LAMA2: variants seen among roughly 807,000 people sequenced by gnomAD.
LAMA2 encodes the protein laminin subunit alpha 2, also known as laminin subunit alpha-2.
A neutral mutation model predicts 364.8 loss-of-function variants in LAMA2; 269 were observed. That is an observed-to-expected ratio of 0.74 (90% CI 0.67 to 0.82). The LOEUF is 0.82. Ranked by LOEUF, LAMA2 falls within the 40% of genes least tolerant of loss-of-function variation. The probability of loss-of-function intolerance (pLI) is 0.00; values close to 1 mark genes in which losing one functional copy is unlikely to be tolerated. For missense variants in LAMA2, 3,807 were observed against 3,873.2 expected, an observed-to-expected ratio of 0.98 and a Z score of 0.45; for synonymous variants, 1,379 against 1,370.6, an observed-to-expected ratio of 1.01 and a Z score of -0.14.
At chr6:128,958,203 G>A (rs2114585810) in intron 1 of LAMA2, among the ~76,000 whole-genome samples, 1 of 151,954 alleles carries the variant, frequency 6.6e-6, no homozygotes, top group African/African-American at 2.4e-5. Context: ...TATGAATTTT[G>A]GTTTTAATTT....
rs569692117 is a variant in LAMA2 at position 129,468,956 on chromosome 6, G to C, written c.7300+3667G>C. The stretch of plus-strand genomic sequence containing the variant: ...GCCCTAAGTCCTTTTTTAGTTGAGG[G>C]GGTAGGAGGGGTGGAAGCAGTTGCA... On this transcript the variant is annotated intron_variant, in intron 51 of 64. Coordinates refer to ENST00000421865, the MANE Select transcript of LAMA2 (RefSeq NM_000426.4). Among the ~76,000 whole-genome samples, 20 of 151,968 alleles carry C rather than the reference G, an allele frequency of 1.3e-4. No individual in the cohort carries two copies. The South Asian group carries it at 3.5e-3, about 27-fold the overall frequency.
At chr6:129,429,428 ACTTAT>A (rs1475588842) in intron 41 of LAMA2, among the ~76,000 whole-genome samples, 7 of 152,188 alleles carry the variant, frequency 4.6e-5, no homozygotes, top group African/African-American at 9.6e-5. Context: ...GGCTTATCTT[ACTTAT>A]CTTAGAAAGA....
At position 129,149,117 on chromosome 6, in the gene LAMA2, C is replaced by A. The variant is rs200995222; in HGVS notation, c.1027+21C>A. ...TGAAGGTATGTTCTTTAGAAGCCAA[C>A]AAAATATGTCATTCTTCCTTTCCAA... On this transcript the variant is annotated intron_variant, in intron 7 of 64. Coordinates refer to ENST00000421865, the MANE Select transcript of LAMA2 (RefSeq NM_000426.4). 5 of 1,346,738 alleles carry A rather than the reference C, an allele frequency of 3.7e-6. No individual in the cohort carries two copies. In the African/African-American group the frequency reaches 4.3e-5, roughly 12 times the overall value. The allele number at this position is 1,346,738 out of a possible 1,614,324, so 83.4% of individuals were successfully genotyped here. A position where few individuals can be genotyped will look rare whatever the true frequency, so the allele number is the denominator to read the frequency against.
chr6:129,266,957 C>A, intron 15 of LAMA2, 149 bp from the exon 16 acceptor site: 1 of 723,054 alleles, frequency 1.4e-6, no homozygotes, highest in South Asian at 1.5e-5. Context: ...AGCTCTGTTG[C>A]AATGTTTCAA....
Position 129,349,346 on chromosome 6 carries a change from G to A in LAMA2, c.4485G>A (p.Thr1495=), listed in dbSNP as rs779211391. The A allele has an allele frequency of 3.7e-5, 60 of 1,613,452 alleles. No individual in the cohort carries two copies. Among genetic ancestry groups the A allele is most frequent in the Non-Finnish European group, 4.5e-5 (53 of 1,179,660 alleles). The change falls in exon 31 of 65, where the codon ACG becomes ACA. Residue 1495 remains threonine (T), a synonymous_variant. Transcript: ENST00000421865. ...VAEGLDDYRC[T]ACPRGYEGQY... Reference sequence around the variant, plus strand: ...AAGGACTTGACGACTACCGCTGCACGGCTTGTCCACGGGGATATGAAGGCC... The same window carrying A: ...AAGGACTTGACGACTACCGCTGCACAGCTTGTCCACGGGGATATGAAGGCC...
At chr6:129,471,638 C>T (rs1276025228) in intron 51 of LAMA2, among the ~76,000 whole-genome samples, 1 of 151,864 alleles carries the variant, frequency 6.6e-6, no homozygotes, top group Non-Finnish European at 1.5e-5. Context: ...GTCTTGAAAA[C>T]AGTTTTATAA....
intron 14 of LAMA2, among the ~76,000 whole-genome samples, chr6:129,257,911 G>T (rs1303429253): frequency 2.6e-5 from 4 of 151,986 alleles, no homozygotes; most frequent in Non-Finnish European, 5.9e-5. Context: ...CTTTGCCATG[G>T]AGTTTGTTAG....
At chr6:129,401,715 G>C (rs1779984069) in intron 38 of LAMA2, among the ~76,000 whole-genome samples, 1 of 152,170 alleles carries the variant, frequency 6.6e-6, no homozygotes, top group Non-Finnish European at 1.5e-5. Flanking sequence ...GCATTACATA[G>C]AGTGATATGT....
chr6:129,324,912 G>A (rs1775182359), intron 28 of LAMA2, among the ~76,000 whole-genome samples: 1 of 152,194 alleles, frequency 6.6e-6, no homozygotes, highest in Non-Finnish European at 1.5e-5. Flanking sequence ...AAGGCACACA[G>A]TATTCAGAAC....
intron 34 of LAMA2, among the ~76,000 whole-genome samples, chr6:129,382,920 G>A (rs1385529725): frequency 1.3e-5 from 2 of 152,200 alleles, no homozygotes; most frequent in African/African-American, 2.4e-5. Flanking sequence ...ACAGCTCTCT[G>A]ATTTCCATTT....
chr6:129,452,158 G>C (rs1782706752), intron 45 of LAMA2, among the ~76,000 whole-genome samples: 4 of 152,126 alleles, frequency 2.6e-5, no homozygotes, highest in Admixed American at 1.3e-4. Flanking sequence ...GTAACCCTTT[G>C]ATGGTGATTT....
chr6:129,299,095 A>G (rs542025045), intron 21 of LAMA2, among the ~76,000 whole-genome samples: 1 of 152,196 alleles, frequency 6.6e-6, no homozygotes, highest in South Asian at 2.1e-4. Context: ...AGATGACAGC[A>G]TTTAATAAAT....
At chr6:129,458,195 A>C (rs189978909) in intron 48 of LAMA2, among the ~76,000 whole-genome samples, 149 of 152,206 alleles carry the variant, frequency 9.8e-4, no homozygotes, top group African/African-American at 3.4e-3. Flanking sequence ...CACTCTCAAC[A>C]TCTTGCTTCA....
intron 12 of LAMA2, among the ~76,000 whole-genome samples, chr6:129,219,732 AAAAC>A (rs1783681281): frequency 7.2e-6 from 1 of 139,476 alleles, no homozygotes; most frequent in African/African-American, 2.6e-5. Context: ...CAAGGACAAA[AAAAC>A]AAACACCACA....
chr6:129,158,798 A>C (rs564429800), intron 8 of LAMA2: 1 of 1,614,174 alleles, frequency 6.2e-7, no homozygotes, highest in East Asian at 2.2e-5. Context: ...TTTGCACTGA[A>C]AATCAGATCC....
At chr6:129,205,125 C>T (rs1179968820) in intron 12 of LAMA2, among the ~76,000 whole-genome samples, 4 of 151,992 alleles carry the variant, frequency 2.6e-5, no homozygotes, top group African/African-American at 4.8e-5. Flanking sequence ...CAGGGTGGCT[C>T]ATGCCTGTAA....
chr6:129,251,629 C>T (rs970121744), intron 13 of LAMA2, among the ~76,000 whole-genome samples: 2 of 152,038 alleles, frequency 1.3e-5, no homozygotes, highest in African/African-American at 2.4e-5. Flanking sequence ...GGAAAGCCAA[C>T]CTGAAAATAA....
intron 4 of LAMA2, among the ~76,000 whole-genome samples, chr6:129,107,176 C>A (rs148280723): frequency 0.013 from 1,980 of 152,142 alleles, 18 homozygotes; most frequent in Non-Finnish European, 0.021. Context: ...GTAGCTCTGC[C>A]AAGGATTAAC....
chr6:129,319,657 A>G (rs899052449), intron 27 of LAMA2, among the ~76,000 whole-genome samples: 1 of 152,126 alleles, frequency 6.6e-6, no homozygotes, highest in Non-Finnish European at 1.5e-5. Context: ...AGGAGCATCA[A>G]CCCCACCTCA....
Sources: allele counts gnomAD v4.1 joint callset (sites outside exome capture counted in the v4.1 genomes callset), GRCh38; gene constraint gnomAD v4.1.1; transcripts MANE v1.5; gene names NCBI Gene and HGNC (gene_info 2026-07-23, HGNC 2026-07-21).